CADPS2: variants seen among roughly 807,000 people sequenced by gnomAD.
CADPS2 encodes calcium-dependent secretion activator 2.
Under a neutral mutation model 172.5 loss-of-function variants are expected in CADPS2, and 93 were observed. That is an observed-to-expected ratio of 0.54 (90% CI 0.46 to 0.64). The LOEUF is 0.64. Among genes scored for constraint, CADPS2 ranks in the 30% least tolerant of loss-of-function variants. The pLI, the probability that CADPS2 is intolerant of heterozygous loss-of-function variation, is 0.00. For missense variants in CADPS2, 1,420 were observed against 1,565.9 expected (o/e 0.91, Z 1.57); for synonymous variants, 546 against 555.2 (o/e 0.98, Z 0.23).
chr7:122,576,169 A>G (rs1284511443), intron 7 of CADPS2, among the ~76,000 whole-genome samples: 1 of 152,122 alleles, frequency 6.6e-6, no homozygotes, highest in African/African-American at 2.4e-5. Context: ...GTACTGGCCA[A>G]TTATCCTGTA....
intron 4 of CADPS2, among the ~76,000 whole-genome samples, chr7:122,628,589 T>C (rs1214123085): frequency 6.6e-6 from 1 of 151,606 alleles, no homozygotes; most frequent in Non-Finnish European, 1.5e-5. Flanking sequence ...ATCATTGAAG[T>C]AAGTTAATAA....
intron 25 of CADPS2, among the ~76,000 whole-genome samples, chr7:122,369,166 C>T (rs747850476): frequency 1.9e-5 from 2 of 104,702 alleles, no homozygotes; most frequent in Non-Finnish European, 3.5e-5. Context: ...GAGTCTCGCT[C>T]TGTCGCCCAG....
intron 22 of CADPS2, among the ~76,000 whole-genome samples, chr7:122,392,423 T>C (rs2044496204): frequency 6.6e-6 from 1 of 152,064 alleles, no homozygotes; most frequent in South Asian, 2.1e-4. Flanking sequence ...AAAACATCTT[T>C]CATTTAGGTG....
intron 9 of CADPS2, among the ~76,000 whole-genome samples, chr7:122,496,159 T>C (rs2058716193): frequency 6.6e-6 from 1 of 150,428 alleles, no homozygotes; most frequent in Non-Finnish European, 1.5e-5. Context: ...ATTTATCTCT[T>C]TATTTATTTA....
chr7:122,552,779 T>G (rs1182752341), intron 8 of CADPS2, among the ~76,000 whole-genome samples: 1 of 151,002 alleles, frequency 6.6e-6, no homozygotes, highest in Non-Finnish European at 1.5e-5. Flanking sequence ...GTTCCTGTTT[T>G]TTTTTTTTTT....
chr7:122,471,614 A>T (rs1403852437), intron 13 of CADPS2, 52 bp from the exon 14 acceptor site: 1 of 1,467,920 alleles, frequency 6.8e-7, no homozygotes, highest in Non-Finnish European at 9.1e-7. Context: ...CTATACTACG[A>T]TTTGCTTTCC....
intron 15 of CADPS2, among the ~76,000 whole-genome samples, chr7:122,450,290 A>C (rs746183687): frequency 1.3e-5 from 2 of 152,168 alleles, no homozygotes; most frequent in Non-Finnish European, 2.9e-5. Context: ...TTTTTAAATA[A>C]GTTCCAAATC....
chr7:122,340,835 C>A (rs2036657474), intron 28 of CADPS2, among the ~76,000 whole-genome samples: 1 of 145,222 alleles, frequency 6.9e-6, no homozygotes, highest in Non-Finnish European at 1.5e-5. Flanking sequence ...AAAGACTGCT[C>A]ACAATGATGC....
At chr7:122,423,559 C>G (rs1360524829) in intron 17 of CADPS2, among the ~76,000 whole-genome samples, 1 of 152,218 alleles carries the variant, frequency 6.6e-6, no homozygotes, top group African/African-American at 2.4e-5. Flanking sequence ...AGATGTGGCA[C>G]TGCCAACTAA....
chr7:122,672,452 C>A (rs2081962135), intron 2 of CADPS2, among the ~76,000 whole-genome samples: 1 of 152,174 alleles, frequency 6.6e-6, no homozygotes, highest in African/African-American at 2.4e-5. Flanking sequence ...AGCAGATATC[C>A]TGTCTCCCTA....
intron 27 of CADPS2, among the ~76,000 whole-genome samples, chr7:122,354,982 T>C (rs909840815): frequency 6.6e-6 from 1 of 152,196 alleles, no homozygotes; most frequent in Non-Finnish European, 1.5e-5. Context: ...AAGAGGCACG[T>C]GCCTGGAATT....
chr7:122,740,818 A>G (rs2092428797), intron 1 of CADPS2, among the ~76,000 whole-genome samples: 1 of 152,142 alleles, frequency 6.6e-6, no homozygotes, highest in Non-Finnish European at 1.5e-5. Flanking sequence ...AATTGATAAG[A>G]ACATCATAAA....
At chr7:122,650,187 G>C (rs1053150044) in intron 3 of CADPS2, among the ~76,000 whole-genome samples, 3 of 151,396 alleles carry the variant, frequency 2.0e-5, no homozygotes, top group Non-Finnish European at 4.4e-5. Context: ...TGGGATTACA[G>C]GTGTGAGCTA....
chr7:122,558,202 T>G (rs1052617940), intron 7 of CADPS2, among the ~76,000 whole-genome samples: 14 of 151,290 alleles, frequency 9.3e-5, no homozygotes, highest in South Asian at 6.3e-4. Flanking sequence ...TGAAGAATTG[T>G]TTTTTTTTAT....
chr7:122,412,734 C>T (rs961261584), intron 19 of CADPS2: 7 of 152,144 alleles, frequency 4.6e-5, no homozygotes, highest in Non-Finnish European at 1.0e-4. Context: ...CGACTTGAGT[C>T]GTGCTCATAT....
At chr7:122,819,799 C>A (rs908875466) in intron 1 of CADPS2, among the ~76,000 whole-genome samples, 1 of 151,948 alleles carries the variant, frequency 6.6e-6, no homozygotes. Context: ...CTCTTGTATC[C>A]CCCCACCTTA....
At chr7:122,683,293 G>A (rs1434108808) in intron 2 of CADPS2, among the ~76,000 whole-genome samples, 1 of 152,122 alleles carries the variant, frequency 6.6e-6, no homozygotes, top group Non-Finnish European at 1.5e-5. Context: ...CTGATGCTCA[G>A]CAGCTTATGT....
chr7:122,349,560 A>C (rs2038213045), intron 27 of CADPS2, among the ~76,000 whole-genome samples: 1 of 152,152 alleles, frequency 6.6e-6, no homozygotes, highest in South Asian at 2.1e-4. Flanking sequence ...AAAATCTAAA[A>C]AATTCCCCCA....
intron 12 of CADPS2, among the ~76,000 whole-genome samples, chr7:122,477,684 T>G (rs2056863194): frequency 6.6e-6 from 1 of 152,222 alleles, no homozygotes; most frequent in Non-Finnish European, 1.5e-5. Flanking sequence ...TGTATGTATA[T>G]TTAAGCTTTA....
Sources: allele counts gnomAD v4.1 joint callset (sites outside exome capture counted in the v4.1 genomes callset), GRCh38; gene constraint gnomAD v4.1.1; transcripts MANE v1.5; gene names NCBI Gene and HGNC (gene_info 2026-07-23, HGNC 2026-07-21).